Variants in CDYL2 observed in about 807,000 individuals in gnomAD.
CDYL2 encodes chromodomain Y like 2.
A neutral mutation model predicts 49.4 loss-of-function variants in CDYL2; 23 were observed. The observed-to-expected ratio is 0.47, with a 90% CI of 0.34 to 0.66. CDYL2 has a LOEUF of 0.66. Ranked by LOEUF, CDYL2 falls within the 30% of genes least tolerant of loss-of-function variation. The pLI is 0.01. For missense variants in CDYL2, 678 were observed against 656.4 expected (o/e 1.03, Z -0.36); for synonymous variants, 360 against 268.8 (o/e 1.34, Z -3.32).
intron 1 of CDYL2, among the ~76,000 whole-genome samples, chr16:80,762,638 C>T (rs758345769): frequency 1.3e-5 from 2 of 152,170 alleles, no homozygotes; most frequent in Non-Finnish European, 2.9e-5. Flanking sequence ...CACCTACTGT[C>T]TATAAAGTAT....
intron 5 of CDYL2, among the ~76,000 whole-genome samples, chr16:80,611,729 G>C (rs1409992562): frequency 1.3e-5 from 2 of 152,294 alleles, no homozygotes; most frequent in East Asian, 3.9e-4. Flanking sequence ...CCGCAAAATG[G>C]GGATCACAGC....
intron 2 of CDYL2, among the ~76,000 whole-genome samples, chr16:80,643,563 C>A (rs768638358): frequency 4.6e-5 from 7 of 152,264 alleles, no homozygotes; most frequent in African/African-American, 7.2e-5. Flanking sequence ...CTGCAGCAAA[C>A]CTGCGTGGGT....
intron 1 of CDYL2, among the ~76,000 whole-genome samples, chr16:80,689,714 G>A (rs546318004): frequency 1.3e-5 from 2 of 152,208 alleles, no homozygotes; most frequent in Admixed American, 1.3e-4. Context: ...TCACTGATAC[G>A]CGAGGCACCA....
intron 2 of CDYL2, among the ~76,000 whole-genome samples, chr16:80,652,150 G>C (rs1908610988): frequency 6.6e-6 from 1 of 152,064 alleles, no homozygotes; most frequent in Non-Finnish European, 1.5e-5. Flanking sequence ...AACATACCTG[G>C]GGCACAGATA....
In CDYL2 at chr16:80,804,529, A is replaced by C. The variant is rs2142430227; in HGVS notation, c.-356T>G. Among the ~76,000 whole-genome samples the C allele has an allele frequency of 7.1e-6, 1 of 140,792 alleles. No homozygotes were observed. Among genetic ancestry groups the C allele is most frequent in the Admixed American group, 7.0e-5 (1 of 14,324 alleles). The allele number at this position is 140,792 out of a possible 152,430, so 92.4% of individuals were successfully genotyped here. Reference sequence around the variant, plus strand: ...CCGGCGGCGGTGGCTGCAGCCGGCAACGGCTCGCCCCGGCGCCGCCTGCAG... The same window carrying C: ...CCGGCGGCGGTGGCTGCAGCCGGCACCGGCTCGCCCCGGCGCCGCCTGCAG... On this transcript the variant is annotated 5_prime_UTR_variant, in exon 1 of 7. Coordinates refer to ENST00000570137, the MANE Select transcript of CDYL2 (RefSeq NM_152342.4).
chr16:80,753,035 AT>A (rs759245251), intron 1 of CDYL2, among the ~76,000 whole-genome samples: 3 of 152,238 alleles, frequency 2.0e-5, no homozygotes, highest in African/African-American at 4.8e-5. Context: ...GGCCTTCAAA[AT>A]AAATTAAGAA....
intron 1 of CDYL2, among the ~76,000 whole-genome samples, chr16:80,791,563 G>A (rs1345321768): frequency 6.6e-6 from 1 of 152,190 alleles, no homozygotes; most frequent in Non-Finnish European, 1.5e-5. Context: ...ATAAGCTGAG[G>A]AAGCTTGCCA....
intron 2 of CDYL2, among the ~76,000 whole-genome samples, chr16:80,646,943 A>G (rs930190309): frequency 3.9e-5 from 6 of 152,192 alleles, no homozygotes; most frequent in African/African-American, 1.4e-4. Flanking sequence ...ATACCAAAAA[A>G]GAGCACCAGT....
At chr16:80,745,217 A>T (rs1013059689) in intron 1 of CDYL2, among the ~76,000 whole-genome samples, 1 of 152,146 alleles carries the variant, frequency 6.6e-6, no homozygotes, top group African/African-American at 2.4e-5. Flanking sequence ...CAGGGGCCTG[A>T]GGGTTTTTAA....
chr16:80,765,096 T>C (rs1392780925), intron 1 of CDYL2, among the ~76,000 whole-genome samples: 8 of 144,846 alleles, frequency 5.5e-5, no homozygotes, highest in Non-Finnish European at 1.2e-4. Flanking sequence ...CCTCATATAA[T>C]ATATACTAAT....
intron 1 of CDYL2, among the ~76,000 whole-genome samples, chr16:80,758,541 CTT>C (rs58565125): frequency 1.7e-5 from 2 of 117,092 alleles, no homozygotes; most frequent in African/African-American, 3.2e-5. Flanking sequence ...TGCTGCAGCA[CTT>C]TTTTTTTTTT....
chr16:80,775,414 G>A (rs769612242), intron 1 of CDYL2, among the ~76,000 whole-genome samples: 1 of 151,860 alleles, frequency 6.6e-6, no homozygotes, highest in East Asian at 1.9e-4. Flanking sequence ...GACTAGTAGA[G>A]AAGAAATAAA....
chr16:80,801,849 ATAAAT>A (rs1907936424), intron 1 of CDYL2, among the ~76,000 whole-genome samples: 1 of 152,236 alleles, frequency 6.6e-6, no homozygotes, highest in African/African-American at 2.4e-5. Flanking sequence ...AATTTGAACA[ATAAAT>A]TAAATTTCTC....
At chr16:80,741,024 T>C (rs1242232733) in intron 1 of CDYL2, among the ~76,000 whole-genome samples, 3 of 151,584 alleles carry the variant, frequency 2.0e-5, no homozygotes, top group African/African-American at 7.3e-5. Context: ...AGCCCAGAAA[T>C]TTCTGAAACA....
Position 80,712,189 on chromosome 16 carries a change from GTGTATATATA to G in CDYL2, c.25-27070_25-27061del, listed in dbSNP as rs1257035954. The stretch of plus-strand genomic sequence containing the variant: ...TATATATGTGTCTTTGTGTCTGTGT[GTGTATATATA>G]TATATATATATATATATCTCCAAAC... On this transcript the variant is annotated intron_variant, in intron 1 of 6. Coordinates refer to ENST00000570137, the MANE Select transcript of CDYL2 (RefSeq NM_152342.4). Among the ~76,000 whole-genome samples, 13 of 75,858 alleles carry G rather than the reference GTGTATATATA, an allele frequency of 1.7e-4. 2 individuals carry two copies. The highest frequency in any genetic ancestry group is 1.1e-3 in the South Asian group (2 of 1,806). The allele number at this position is 75,858 out of a possible 152,430, so 49.8% of individuals were successfully genotyped here.
chr16:80,792,470 C>G (rs1462676974), intron 1 of CDYL2, among the ~76,000 whole-genome samples: 1 of 152,086 alleles, frequency 6.6e-6, no homozygotes, highest in African/African-American at 2.4e-5. Flanking sequence ...AATGGGGAGT[C>G]AAAGAAACCA....
intron 2 of CDYL2, among the ~76,000 whole-genome samples, chr16:80,656,012 A>C (rs1908794356): frequency 6.6e-6 from 1 of 152,350 alleles, no homozygotes. Flanking sequence ...ACATTTGCTA[A>C]TGGGAGAAGC....
chr16:80,736,026 C>T (rs2142545338), intron 1 of CDYL2, among the ~76,000 whole-genome samples: 1 of 152,322 alleles, frequency 6.6e-6, no homozygotes, highest in African/African-American at 2.4e-5. Context: ...TAAGGGTCAC[C>T]TTCCCAGCTT....
chr16:80,618,236 C>G (rs1171244766), intron 4 of CDYL2, among the ~76,000 whole-genome samples: 1 of 152,238 alleles, frequency 6.6e-6, no homozygotes, highest in Admixed American at 6.5e-5. Flanking sequence ...TTCCCCAGAA[C>G]TACTCAGCTG....
Sources: allele counts gnomAD v4.1 joint callset (sites outside exome capture counted in the v4.1 genomes callset), GRCh38; gene constraint gnomAD v4.1.1; transcripts MANE v1.5; gene names NCBI Gene and HGNC (gene_info 2026-07-23, HGNC 2026-07-21).